Variants in MICAL2 observed in about 807,000 individuals in gnomAD.
The protein encoded by MICAL2 is microtubule associated monooxygenase, calponin and LIM domain containing 2, also known as [F-actin]-monooxygenase MICAL2.
MICAL2 carries 77 observed loss-of-function variants against 127.3 expected under a neutral mutation model. The observed-to-expected ratio is 0.60, with a 90% CI of 0.50 to 0.73. MICAL2 has a LOEUF of 0.73. Among genes scored for constraint, MICAL2 ranks in the 30% least tolerant of loss-of-function variants. MICAL2 has a pLI of 0.00. For missense variants in MICAL2, 1,351 were observed against 1,434.4 expected (o/e 0.94, Z 0.94); for synonymous variants, 570 against 551.1 (o/e 1.03, Z -0.48).
chr11:12,248,622 G>A (rs1206089108), intron 21 of MICAL2, among the ~76,000 whole-genome samples: 3 of 152,232 alleles, frequency 2.0e-5, no homozygotes, highest in Admixed American at 2.0e-4. Context: ...CATTGCAAAA[G>A]GAGCTTTCTC....
intron 1 of MICAL2, chr11:12,276,409 T>C: frequency 2.8e-6 from 1 of 356,612 alleles, no homozygotes; most frequent in Non-Finnish European, 5.0e-6. Context: ...GTGTTAGCAA[T>C]TGTTATTTTC....
chr11:12,224,502 A>G, intron 12 of MICAL2, 171 bp from the exon 13 acceptor site: 2 of 726,822 alleles, frequency 2.8e-6, no homozygotes, highest in Non-Finnish European at 4.4e-6. Flanking sequence ...CCAGGCCCCC[A>G]AGCAGCAGTC....
chr11:12,255,554 C>T (rs1005183029), intron 22 of MICAL2, 89 bp from the exon 23 acceptor site: 36 of 1,161,690 alleles, frequency 3.1e-5, no homozygotes, highest in Non-Finnish European at 4.3e-5. Flanking sequence ...GAGGAGCCCT[C>T]TCCCCATCCA....
downstream of MICAL2, chr11:12,294,753 A>C: frequency 6.2e-7 from 1 of 1,613,010 alleles, no homozygotes; most frequent in Non-Finnish European, 8.5e-7. Flanking sequence ...CAGGCCCTGG[A>C]GAAGCTGCTG....
At chr11:12,304,686 ACACACAC>A (rs1864088857) in intron 29 of MICAL2, among the ~76,000 whole-genome samples, 3 of 148,928 alleles carry the variant, frequency 2.0e-5, no homozygotes, top group Admixed American at 6.9e-5. Context: ...ACACACACAC[ACACACAC>A]AAAACATTCT....
chr11:12,225,359 T>C (rs1250524883), intron 13 of MICAL2, among the ~76,000 whole-genome samples: 1 of 152,206 alleles, frequency 6.6e-6, no homozygotes, highest in African/African-American at 2.4e-5. Flanking sequence ...GCATGGTGCA[T>C]CTGTGTTTAA....
chr11:12,295,305 A>G (rs917706324), downstream of MICAL2, among the ~76,000 whole-genome samples: 1 of 151,850 alleles, frequency 6.6e-6, no homozygotes, highest in Non-Finnish European at 1.5e-5. Context: ...ACGCCCAGCT[A>G]ATTTTTGTAT....
chr11:12,138,536 T>C (rs1470670483), intron 2 of MICAL2, 76 bp downstream of exon 2: 1 of 152,192 alleles, frequency 6.6e-6, no homozygotes, highest in East Asian at 1.9e-4. Context: ...TAGGAAAGTG[T>C]GGGATGTTCC....
intron 3 of MICAL2, among the ~76,000 whole-genome samples, chr11:12,172,715 G>A (rs1196022649): frequency 1.3e-5 from 2 of 152,120 alleles, no homozygotes; most frequent in Non-Finnish European, 2.9e-5. Flanking sequence ...CAAACTGAGA[G>A]AGGCTCCTAT....
chr11:12,319,039 A>T (rs953091800), intron 29 of MICAL2, among the ~76,000 whole-genome samples: 6 of 152,264 alleles, frequency 3.9e-5, no homozygotes, highest in African/African-American at 1.4e-4. Flanking sequence ...TTGGGAAAAT[A>T]AAAATGGCAT....
chr11:12,192,755 G>A (rs1360581551), intron 3 of MICAL2, among the ~76,000 whole-genome samples: 1 of 152,162 alleles, frequency 6.6e-6, no homozygotes, highest in Non-Finnish European at 1.5e-5. Flanking sequence ...TCCAGCCTGG[G>A]TGACAGAGTG....
intron 7 of MICAL2, among the ~76,000 whole-genome samples, chr11:12,215,620 C>CGG (rs1320716142): frequency 6.6e-6 from 1 of 152,210 alleles, no homozygotes; most frequent in Non-Finnish European, 1.5e-5. Context: ...GAGCTAAGCT[C>CGG]TCATTGCACA....
chr11:12,124,598 G>A (rs1850763499), intron 1 of MICAL2, among the ~76,000 whole-genome samples: 1 of 152,196 alleles, frequency 6.6e-6, no homozygotes, highest in Non-Finnish European at 1.5e-5. Context: ...GCTCTGGGAG[G>A]TCACTTTCCC....
chr11:12,215,740 C>T (rs1057371006), intron 7 of MICAL2, among the ~76,000 whole-genome samples: 4 of 152,172 alleles, frequency 2.6e-5, no homozygotes, highest in Admixed American at 6.5e-5. Context: ...CCACTGCACT[C>T]GGGTTTTCAC....
intron 3 of MICAL2, among the ~76,000 whole-genome samples, chr11:12,190,087 C>T (rs1051960149): frequency 2.0e-5 from 3 of 152,308 alleles, no homozygotes; most frequent in African/African-American, 7.2e-5. Flanking sequence ...TCAAGAACTT[C>T]TGAGTAAGTT....
intron 14 of MICAL2, 115 bp downstream of exon 14, chr11:12,226,485 C>A: frequency 1.8e-6 from 2 of 1,114,288 alleles, no homozygotes; most frequent in Non-Finnish European, 2.5e-6. Context: ...AGTGTGTTCC[C>A]CTTGACTTTG....
downstream of MICAL2, chr11:12,359,205 C>T (rs1032142632): frequency 6.6e-6 from 1 of 152,230 alleles, no homozygotes; most frequent in African/African-American, 2.4e-5. Flanking sequence ...TAGTGTTCAC[C>T]AAACACTGCT....
At chr11:12,226,118 C>A (rs2270507) in intron 13 of MICAL2, 53 bp from the exon 14 acceptor site, 5 of 1,585,660 alleles carry the variant, frequency 3.2e-6, no homozygotes, top group Non-Finnish European at 3.5e-6. Flanking sequence ...GCTCAGCTCG[C>A]CACACCTCTG....
chr11:12,330,900 A>AGTGTGTGTGTGTGTGT (rs200754218), intron 32 of MICAL2, among the ~76,000 whole-genome samples: 4 of 119,448 alleles, frequency 3.3e-5, no homozygotes, highest in Non-Finnish European at 5.4e-5. Flanking sequence ...AGAGAGAGAG[A>AGTGTGTGTGTGTGTGT]GTGTGTGTGT....
Sources: allele counts gnomAD v4.1 joint callset (sites outside exome capture counted in the v4.1 genomes callset), GRCh38; gene constraint gnomAD v4.1.1; transcripts MANE v1.5; gene names NCBI Gene and HGNC (gene_info 2026-07-23, HGNC 2026-07-21).